MPHOSPH9: variants seen among roughly 807,000 people sequenced by gnomAD.
MPHOSPH9 encodes the protein M-phase phosphoprotein 9.
A neutral mutation model predicts 145.5 loss-of-function variants in MPHOSPH9; 88 were observed. That is an observed-to-expected ratio of 0.60 (90% CI 0.51 to 0.72). The LOEUF is 0.72. Among genes scored for constraint, MPHOSPH9 ranks in the 30% least tolerant of loss-of-function variants. The pLI is 0.00. For missense variants in MPHOSPH9, 1,238 were observed against 1,386.6 expected (o/e 0.89, Z 1.70); for synonymous variants, 435 against 486.2 (o/e 0.89, Z 1.39).
chr12:123,181,164 TTTACTC>T lies in MPHOSPH9; in HGVS notation c.2282_2287del (p.Arg761_Val762del). 6.2e-7 allele frequency: 1 copy of T among 1,611,188 alleles called. No homozygotes were observed. Among genetic ancestry groups the T allele is most frequent in the Non-Finnish European group, 8.5e-7 (1 of 1,177,552 alleles). On this transcript the variant is annotated inframe_deletion and splice_region_variant, in exon 14 of 24. Coordinates refer to ENST00000606320, the MANE Select transcript of MPHOSPH9 (RefSeq NM_022782.4). The stretch of plus-strand genomic sequence containing the variant: ...AGAACATGAACCATTACCCCTTACC[TTTACTC>T]TCCTGTGTTCTTTTCCAAGGGACTC...
Position 123,162,163 on chromosome 12 carries a change from T to C in MPHOSPH9, c.3085A>G (p.Thr1029Ala). The change falls in exon 21 of 24, where the codon ACC becomes GCC. Residue 1029 changes from threonine to alanine, a missense_variant. Coordinates refer to ENST00000606320, the MANE Select transcript of MPHOSPH9 (RefSeq NM_022782.4). ...DTVPVSTLQRTNPRKQLQFLP... is the reference protein window; with the variant it reads ...DTVPVSTLQRANPRKQLQFLP... ...AACTGGAGTTGCTTTCTTGGATTGG[T>C]ACGTTGTAATGTAGACACAGGAACA... is the stretch of plus-strand genomic sequence containing the variant. 6.3e-7 allele frequency: 1 copy of C among 1,591,860 alleles called. No homozygotes were observed. Among genetic ancestry groups the C allele is most frequent in the South Asian group, 1.2e-5 (1 of 85,654 alleles).
At chr12:123,192,843 A>G (rs972942974) in intron 13 of MPHOSPH9, among the ~76,000 whole-genome samples, 10 of 151,296 alleles carry the variant, frequency 6.6e-5, no homozygotes, top group Non-Finnish European at 1.0e-4. Flanking sequence ...GTAATCCCGC[A>G]CTCAGGTGGG....
intron 15 of MPHOSPH9, 132 bp downstream of exon 15, chr12:123,179,794 G>A (rs1946797759): frequency 4.4e-6 from 2 of 455,242 alleles, no homozygotes; most frequent in Admixed American, 9.0e-5. Flanking sequence ...CATGTCAAGG[G>A]AAAATTAAGA....
Position 123,159,787 on chromosome 12 carries a change from C to T in MPHOSPH9, c.3450+994G>A, listed in dbSNP as rs527728995. On this transcript the variant is annotated intron_variant, in intron 23 of 23. Coordinates refer to ENST00000606320, the MANE Select transcript of MPHOSPH9 (RefSeq NM_022782.4). This position sits in a 1 kb window ranked among gnomAD's most constrained non-coding sequence, Gnocchi z 4.3. ...AAAACATTCTTGGTTAAATACGTTA[C>T]TGCTGATGGAATATTGTACGTTAAT... The T allele has an allele frequency of 3.2e-4, 48 of 152,196 alleles. 1 individual carries two copies. Among genetic ancestry groups the T allele is most frequent in the African/African-American group, 1.1e-3 (47 of 41,518 alleles). 9.4% of individuals were successfully genotyped at this position (152,196 alleles called of 1,614,324 possible).
chr12:123,205,563 A>T (rs1031931385), intron 8 of MPHOSPH9, among the ~76,000 whole-genome samples: 1 of 151,902 alleles, frequency 6.6e-6, no homozygotes, highest in Non-Finnish European at 1.5e-5. Flanking sequence ...AAAAAGTACC[A>T]CAATTCCCAT....
chr12:123,226,930 C>T (rs1332343462), intron 3 of MPHOSPH9, among the ~76,000 whole-genome samples: 1 of 152,208 alleles, frequency 6.6e-6, no homozygotes, highest in Non-Finnish European at 1.5e-5. Flanking sequence ...AGCCACTGTG[C>T]TCGGCCATGT....
In MPHOSPH9 at chr12:123,223,966, G is replaced by A. The variant is rs1018278417; in HGVS notation, c.259-839C>T. On this transcript the variant is annotated intron_variant, in intron 3 of 23. Transcript: ENST00000606320. ...TTTTTTTTTTGAGACGGAGTCTCTC[G>A]TTCTCTCACCCAGGCTGGAGTGCAG... is the stretch of plus-strand genomic sequence containing the variant. Among the ~76,000 whole-genome samples the A allele has an allele frequency of 4.0e-5, 6 of 151,140 alleles. No individual in the cohort carries two copies. The South Asian group carries it at 6.2e-4, about 16-fold the overall frequency.
In MPHOSPH9 at chr12:123,227,329, T is replaced by C. The variant is rs1269101994; in HGVS notation, c.258+134A>G. 4.9e-6 allele frequency: 3 copies of C among 608,660 alleles called. No individual in the cohort carries two copies. The East Asian group carries it at 9.1e-5, about 18-fold the overall frequency. The allele number at this position is 608,660 out of a possible 1,614,324, so 37.7% of individuals were successfully genotyped here. ...ATTCAATATCATTCCCAAATTAATATACTTGACCACTTTAGCATTAACTTA... is the reference window on the plus strand; with the variant it reads ...ATTCAATATCATTCCCAAATTAATACACTTGACCACTTTAGCATTAACTTA... On this transcript the variant is annotated intron_variant, in intron 3 of 23. Coordinates refer to ENST00000606320, the MANE Select transcript of MPHOSPH9 (RefSeq NM_022782.4).
At chr12:123,237,364 A>C (rs1383219172), upstream of MPHOSPH9, among the ~76,000 whole-genome samples, 1 of 152,196 alleles carries the variant, frequency 6.6e-6, no homozygotes, top group African/African-American at 2.4e-5. Context: ...TGGGAGGCAG[A>C]GGTTGCAGTG....
At chr12:123,186,525 C>T (rs2138163621) in intron 13 of MPHOSPH9, among the ~76,000 whole-genome samples, 1 of 152,206 alleles carries the variant, frequency 6.6e-6, no homozygotes, top group Admixed American at 6.6e-5. Context: ...AAGAATTGAT[C>T]ATGTCATAGG....
At chr12:123,199,788 C>CAAAA (rs760965085) in intron 11 of MPHOSPH9, among the ~76,000 whole-genome samples, 1 of 83,472 alleles carries the variant, frequency 1.2e-5, no homozygotes, top group Admixed American at 1.4e-4. Context: ...GACTCCATCT[C>CAAAA]AAAAAAAAAA....
At chr12:123,239,782 C>CT (rs1287366818) in intron 1 of MPHOSPH9, among the ~76,000 whole-genome samples, 1 of 151,872 alleles carries the variant, frequency 6.6e-6, no homozygotes, top group Non-Finnish European at 1.5e-5. Context: ...TTTTTTTCCC[C>CT]CAGATGACCC....
At chr12:123,165,625 G>A in intron 17 of MPHOSPH9, 148 bp from the exon 18 acceptor site, 1 of 697,534 alleles carries the variant, frequency 1.4e-6, no homozygotes, top group Non-Finnish European at 2.4e-6. Context: ...ATTAGGGTTG[G>A]ATGAGGTCAT....
intron 13 of MPHOSPH9, among the ~76,000 whole-genome samples, chr12:123,190,359 A>G (rs1381516488): frequency 6.6e-6 from 1 of 152,076 alleles, no homozygotes; most frequent in South Asian, 2.1e-4. Context: ...TCAACGTGTT[A>G]GCCAGGATGG....
intron 3 of MPHOSPH9, among the ~76,000 whole-genome samples, chr12:123,224,211 T>C (rs1276185132): frequency 2.0e-5 from 3 of 147,366 alleles, no homozygotes; most frequent in Admixed American, 1.4e-4. Flanking sequence ...CTCGGCTCAC[T>C]GCAAGCTCTG....
chr12:123,236,788 A>G (rs2047857441), upstream of MPHOSPH9, among the ~76,000 whole-genome samples: 1 of 152,092 alleles, frequency 6.6e-6, no homozygotes, highest in African/African-American at 2.4e-5. Flanking sequence ...GTTAGATGCC[A>G]TAAATAGAAC....
Position 123,218,278 on chromosome 12 carries a change from T to C in MPHOSPH9, c.996+98A>G. On this transcript the variant is annotated intron_variant, in intron 6 of 23. Coordinates refer to ENST00000606320, the MANE Select transcript of MPHOSPH9 (RefSeq NM_022782.4). Reference sequence around the variant, plus strand: ...AATGTATAAATGAACAAATTAACAATACAAAAGAAAGGGCACAAGAGTTTT... The same window carrying C: ...AATGTATAAATGAACAAATTAACAACACAAAAGAAAGGGCACAAGAGTTTT... 6 of 1,494,314 alleles carry C rather than the reference T, an allele frequency of 4.0e-6. No homozygotes were observed. In the South Asian group the frequency reaches 5.1e-5, roughly 13 times the overall value. 92.6% of individuals were successfully genotyped at this position (1,494,314 alleles called of 1,614,324 possible).
intron 17 of MPHOSPH9, 134 bp from the exon 18 acceptor site, chr12:123,165,611 G>C (rs1168596003): frequency 2.6e-6 from 2 of 775,100 alleles, no homozygotes; most frequent in Middle Eastern, 2.5e-4. Flanking sequence ...GTCTTTACGA[G>C]GTAATTAGGG....
chr12:123,179,136 T>A (rs906337242), intron 15 of MPHOSPH9, among the ~76,000 whole-genome samples: 7 of 152,186 alleles, frequency 4.6e-5, no homozygotes, highest in African/African-American at 9.6e-5. Flanking sequence ...ACTTAAAACA[T>A]GTTGTTTGAA....
Sources: gnomAD v4.1 joint callset for allele counts (sites outside exome capture counted in the v4.1 genomes callset) on GRCh38, gnomAD v4.1.1 for gene constraint, Gnocchi (gnomAD v3.1) non-coding constraint, MANE v1.5 for transcripts, NCBI Gene and HGNC (gene_info 2026-07-23, HGNC 2026-07-21) for gene names.